SEL1L: variants seen among roughly 807,000 people sequenced by gnomAD.
The protein encoded by SEL1L is SEL1L adaptor subunit of SYVN1 ubiquitin ligase.
Under a neutral mutation model 109.8 loss-of-function variants are expected in SEL1L, and 52 were observed. The ratio of observed to expected loss-of-function variants is 0.47; its 90% CI spans 0.38 to 0.60. SEL1L has a LOEUF of 0.60. Among genes scored for constraint, SEL1L ranks in the 20% least tolerant of loss-of-function variants. SEL1L has a pLI of 0.00. For missense variants in SEL1L, 749 were observed against 962.2 expected (o/e 0.78, Z 2.93); for synonymous variants, 373 against 339.6 (o/e 1.10, Z -1.08).
At chr14:81,480,864 C>G (rs1317673830) in intron 19 of SEL1L, among the ~76,000 whole-genome samples, 1 of 152,134 alleles carries the variant, frequency 6.6e-6, no homozygotes, top group Non-Finnish European at 1.5e-5. Context: ...TTCTCTGCTT[C>G]GCTTTGCTAA....
intron 10 of SEL1L, among the ~76,000 whole-genome samples, chr14:81,496,713 G>A (rs1287118961): frequency 1.3e-5 from 2 of 152,080 alleles, no homozygotes; most frequent in Admixed American, 1.3e-4. Flanking sequence ...GGGCAACAGA[G>A]CAAGGATCTG....
At chr14:81,495,451 C>T (rs1240099775) in intron 10 of SEL1L, among the ~76,000 whole-genome samples, 1 of 152,120 alleles carries the variant, frequency 6.6e-6, no homozygotes, top group African/African-American at 2.4e-5. Flanking sequence ...ACTTGGGCAA[C>T]ATCGCAAAAT....
At chr14:81,478,324 C>T (rs1037482616) in intron 20 of SEL1L, among the ~76,000 whole-genome samples, 1 of 151,912 alleles carries the variant, frequency 6.6e-6, no homozygotes, top group Non-Finnish European at 1.5e-5. Flanking sequence ...TTCTTATGAT[C>T]GATACTTATT....
intron 10 of SEL1L, 105 bp from the exon 11 acceptor site, chr14:81,495,242 G>T: frequency 1.0e-6 from 1 of 986,214 alleles, no homozygotes; most frequent in South Asian, 1.4e-5. Context: ...TTCTGTTCAT[G>T]ACTCAAAAAA....
intron 3 of SEL1L, among the ~76,000 whole-genome samples, chr14:81,510,471 G>GAT (rs1314223581): frequency 5.5e-4 from 53 of 96,116 alleles, no homozygotes; most frequent in African/African-American, 1.7e-3. Context: ...CTAGAATGCT[G>GAT]ATCTCTCTCT....
In SEL1L at chr14:81,498,015, T is replaced by A. The variant is rs1446637102; in HGVS notation, c.1005A>T (p.Ser335=). The A allele has an allele frequency of 1.9e-6, 3 of 1,613,406 alleles. No individual in the cohort carries two copies. In the African/African-American group the frequency reaches 4.0e-5, roughly 22 times the overall value. The change falls in exon 10 of 21, where the codon TCA becomes TCT. Residue 335 remains serine, a synonymous_variant. Coordinates refer to ENST00000336735, the MANE Select transcript of SEL1L (RefSeq NM_005065.6). The part of the protein sequence containing the change: ...VASDISLTGG[S]VVQRIRLPDE... ...CAGGCAGCCGTATTCTCTGTACTAC[T>A]GAGCCTCCTGTTAGCGAGATATCAC... is the stretch of plus-strand genomic sequence containing the variant.
intron 3 of SEL1L, among the ~76,000 whole-genome samples, chr14:81,509,296 G>T (rs1884367993): frequency 6.6e-6 from 1 of 152,138 alleles, no homozygotes; most frequent in South Asian, 2.1e-4. Flanking sequence ...ACCTCCACCA[G>T]AAGAGTATCA....
chr14:81,498,470 C>A lies in SEL1L; in HGVS notation c.916G>T (p.Gly306Cys), dbSNP rs148757384. Reference protein sequence around the residue: ...VLGYRYWAGIGVLQSCESALT... With the variant: ...VLGYRYWAGICVLQSCESALT... ...GCAGATTCACAACTCTGGAGGACGC[C>A]GATGCCAGCCCAGTATCTGTAACCC... Residue 306 changes from glycine to cysteine, a missense_variant, in exon 9 of 21, where the codon GGC becomes TGC. Transcript: ENST00000336735. 2.5e-6 allele frequency: 4 copies of A among 1,613,914 alleles called. No homozygotes were observed. The highest frequency in any genetic ancestry group is 2.5e-6 in the Non-Finnish European group (3 of 1,179,896).
At chr14:81,515,480 C>A (rs192632904) in intron 3 of SEL1L, among the ~76,000 whole-genome samples, 7 of 152,320 alleles carry the variant, frequency 4.6e-5, no homozygotes, top group Admixed American at 3.3e-4. Context: ...AAGAAAGGGA[C>A]AAATTCCCTA....
intron 1 of SEL1L, among the ~76,000 whole-genome samples, chr14:81,528,892 T>C (rs1171027679): frequency 1.3e-5 from 2 of 152,122 alleles, no homozygotes; most frequent in Non-Finnish European, 2.9e-5. Flanking sequence ...AAGTACTGAG[T>C]TAAGACTAAG....
chr14:81,532,616 T>G (rs1001550471), intron 1 of SEL1L, among the ~76,000 whole-genome samples: 1 of 152,260 alleles, frequency 6.6e-6, no homozygotes, highest in East Asian at 1.9e-4. Flanking sequence ...AGAATTTAGG[T>G]TTAAGCCTCT....
chr14:81,526,493 T>C (rs1184051484), intron 3 of SEL1L, among the ~76,000 whole-genome samples: 1 of 152,216 alleles, frequency 6.6e-6, no homozygotes, highest in African/African-American at 2.4e-5. Flanking sequence ...CGTCAGGATA[T>C]TAATAAAAAG....
intron 3 of SEL1L, among the ~76,000 whole-genome samples, chr14:81,518,374 G>C (rs1398148026): frequency 6.6e-6 from 1 of 151,734 alleles, no homozygotes; most frequent in Non-Finnish European, 1.5e-5. Flanking sequence ...TTTTAAAAAA[G>C]GTAGGCCGGG....
At chr14:81,525,174 CCAG>C (rs1885064123) in intron 3 of SEL1L, among the ~76,000 whole-genome samples, 1 of 152,108 alleles carries the variant, frequency 6.6e-6, no homozygotes, top group East Asian at 1.9e-4. Flanking sequence ...GATGAAAAGA[CCAG>C]CAGAATGTTG....
chr14:81,495,032 C>T (rs1172928213), intron 11 of SEL1L, 49 bp downstream of exon 11: 2 of 1,545,566 alleles, frequency 1.3e-6, no homozygotes, highest in Non-Finnish European at 1.8e-6. Flanking sequence ...TTGGGAACAT[C>T]ATTTCCTGCT....
intron 1 of SEL1L, among the ~76,000 whole-genome samples, chr14:81,527,993 G>A (rs888023528): frequency 2.6e-5 from 4 of 152,110 alleles, no homozygotes; most frequent in African/African-American, 9.7e-5. Context: ...AAGGTAGGAA[G>A]ACCAACAGCC....
At chr14:81,514,738 A>C (rs1884629711) in intron 3 of SEL1L, among the ~76,000 whole-genome samples, 1 of 152,156 alleles carries the variant, frequency 6.6e-6, no homozygotes, top group Non-Finnish European at 1.5e-5. Context: ...GATGGGAAAC[A>C]GGCATCAATA....
At chr14:81,523,941 A>G (rs963359753) in intron 3 of SEL1L, among the ~76,000 whole-genome samples, 2 of 152,064 alleles carry the variant, frequency 1.3e-5, no homozygotes, top group African/African-American at 2.4e-5. Context: ...AAAGCAAAAC[A>G]AAACAAATAC....
intron 3 of SEL1L, among the ~76,000 whole-genome samples, chr14:81,517,772 A>G (rs1884759372): frequency 6.6e-6 from 1 of 152,350 alleles, no homozygotes; most frequent in African/African-American, 2.4e-5. Context: ...AATCCTGATC[A>G]GGGGAAGCTG....
Sources: allele counts gnomAD v4.1 joint callset (sites outside exome capture counted in the v4.1 genomes callset), GRCh38; gene constraint gnomAD v4.1.1; transcripts MANE v1.5; gene names NCBI Gene and HGNC (gene_info 2026-07-23, HGNC 2026-07-21).